Variants in S100A7A observed in about 807,000 individuals in gnomAD.
S100A7A encodes protein S100-A7A.
Under a neutral mutation model 4.0 loss-of-function variants are expected in S100A7A, and 5 were observed. The observed-to-expected ratio is 1.26, with a 90% CI of 0.66 to 2.66. The LOEUF (loss-of-function observed/expected upper bound fraction) is 2.66, where lower values mean the gene tolerates loss of function less well. S100A7A is among the 30% of genes most tolerant of loss of function. S100A7A has a pLI of 0.01. For synonymous variants in S100A7A, 52 were observed against 46.4 expected (o/e 1.12, Z -0.49); for missense variants, 159 against 125.1 (o/e 1.27, Z -1.29).
In S100A7A at chr1:153,419,978, A is replaced by G. The variant is rs1408859390; in HGVS notation, c.*669A>G. On this transcript the variant is annotated 3_prime_UTR_variant, in exon 3 of 3. Transcript: ENST00000368729. ...GTGGAAGTGAGAAGGAGTCACTGTG[A>G]TGCTTAGCTGTCCTAAATGATGGTT... is the stretch of plus-strand genomic sequence containing the variant. 6.6e-6 allele frequency: 1 copy of G among 152,654 alleles called. No homozygotes were observed. Among genetic ancestry groups the G allele is most frequent in the South Asian group, 2.1e-4 (1 of 4,830 alleles). 9.5% of individuals were successfully genotyped at this position (152,654 alleles called of 1,614,324 possible).
At position 153,419,308 on chromosome 1, in the gene S100A7A, G is replaced by T. The variant is rs368556174; in HGVS notation, c.305G>T (p.Ter102LeuextTer130). Residue 102 changes from the stop codon to leucine (L), a stop_lost, in exon 3 of 3, where the codon TGA (stop) becomes TTA (leucine). Transcript: ENST00000368729. ...GAAPCSGGSQ[*>L] Reference sequence around the variant, plus strand: ...GCGCCCTGTTCTGGGGGAAGCCAGTGATCCAGCCCCACCAAGGGGCCTCCA... The same window carrying T: ...GCGCCCTGTTCTGGGGGAAGCCAGTTATCCAGCCCCACCAAGGGGCCTCCA... The T allele has an allele frequency of 5.0e-6, 8 of 1,613,480 alleles. No individual in the cohort carries two copies. The African/African-American group carries it at 8.0e-5, about 16-fold the overall frequency.
At chr1:153,418,363 A>G (rs1295318920) in intron 2 of S100A7A, 140 bp downstream of exon 2, 1 of 1,144,322 alleles carries the variant, frequency 8.7e-7, no homozygotes, top group East Asian at 2.4e-5. Context: ...TATTGCTTGG[A>G]TCATATGTGA....
In S100A7A at chr1:153,420,121, A is replaced by C. The variant is rs1662858688; in HGVS notation, c.*812A>C. On this transcript the variant is annotated 3_prime_UTR_variant, in exon 3 of 3. Coordinates refer to ENST00000368729, the MANE Select transcript of S100A7A (RefSeq NM_176823.4). ...GCTGGAATAAGGCAGCATCACGGAAATTCTGTAAGGACTGACACAGAGAGC... is the reference window on the plus strand; with the variant it reads ...GCTGGAATAAGGCAGCATCACGGAACTTCTGTAAGGACTGACACAGAGAGC... 1 of 152,234 alleles carries C rather than the reference A, an allele frequency of 6.6e-6. No individual in the cohort carries two copies. Among genetic ancestry groups the C allele is most frequent in the South Asian group, 2.1e-4 (1 of 4,834 alleles). The allele number at this position is 152,234 out of a possible 1,614,324, so 9.4% of individuals were successfully genotyped here.
At chr1:153,418,597 TTCCATTGC>T (rs1314014640) in intron 2 of S100A7A, among the ~76,000 whole-genome samples, 3 of 152,064 alleles carry the variant, frequency 2.0e-5, no homozygotes, top group African/African-American at 4.8e-5. Flanking sequence ...GCACTAGAAG[TTCCATTGC>T]TAGTAGAAAT....
chr1:153,417,129 G>C (rs1349977736), intron 1 of S100A7A: 1 of 152,326 alleles, frequency 6.6e-6, no homozygotes, highest in African/African-American at 2.4e-5. Flanking sequence ...AGGTGTTGGG[G>C]GTTTATTGTC....
intron 1 of S100A7A, among the ~76,000 whole-genome samples, chr1:153,417,451 C>G (rs1283832305): frequency 3.3e-5 from 5 of 152,166 alleles, no homozygotes; most frequent in Non-Finnish European, 7.4e-5. Flanking sequence ...TTCTCATTCC[C>G]AAGGGAATGT....
chr1:153,417,972 GT>G (rs1439118840), intron 1 of S100A7A, 93 bp from the exon 2 acceptor site: 1 of 1,493,892 alleles, frequency 6.7e-7, no homozygotes, highest in Non-Finnish European at 9.1e-7. Context: ...TCTTAGGGCT[GT>G]TTTTACTCTG....
Position 153,418,184 on chromosome 1 carries a change from G to A in S100A7A, c.102G>A (p.Thr34=), listed in dbSNP as rs370692845. ...DGKIEKPSLL[T]MMKENFPNFL... Reference sequence around the variant, plus strand: ...AGATTGAGAAGCCAAGCCTGCTGACGATGATGAAGGAGAACTTCCCCAATT... The same window carrying A: ...AGATTGAGAAGCCAAGCCTGCTGACAATGATGAAGGAGAACTTCCCCAATT... The change falls in exon 2 of 3, where the codon ACG becomes ACA. Residue 34 remains threonine, a synonymous_variant. Transcript: ENST00000368729. The A allele has an allele frequency of 1.6e-4, 251 of 1,614,006 alleles. No individual in the cohort carries two copies. The highest frequency in any genetic ancestry group is 1.8e-4 in the Non-Finnish European group (214 of 1,179,908).
chr1:153,417,618 G>A (rs1414970660), intron 1 of S100A7A, among the ~76,000 whole-genome samples: 1 of 152,184 alleles, frequency 6.6e-6, no homozygotes, highest in Non-Finnish European at 1.5e-5. Context: ...AAGCAGCCGA[G>A]GAGGGTCAGA....
Position 153,422,277 on chromosome 1 carries a change from T to C in S100A7A, c.*2968T>C, listed in dbSNP as rs1263154658. 6.5e-6 allele frequency: 1 copy of C among 153,232 alleles called. No homozygotes were observed. The highest frequency in any genetic ancestry group is 1.9e-4 in the East Asian group (1 of 5,196). 9.5% of individuals were successfully genotyped at this position (153,232 alleles called of 1,614,324 possible). ...AGAAAATTGATTTGATTTCATCCAATATTCCTTCGAAAGAGTGTCAAGGAA... is the reference window on the plus strand; with the variant it reads ...AGAAAATTGATTTGATTTCATCCAACATTCCTTCGAAAGAGTGTCAAGGAA... On this transcript the variant is annotated 3_prime_UTR_variant, in exon 3 of 3. Transcript: ENST00000368729.
In S100A7A at chr1:153,418,066, G is replaced by C. The variant is rs3006412; in HGVS notation, c.-17G>C. 0.095 allele frequency: 152,530 copies of C among 1,613,074 alleles called. 11,771 individuals carry two copies. Among genetic ancestry groups the C allele is most frequent in the African/African-American group, 0.41 (30,700 of 74,894 alleles). Reference sequence around the variant, plus strand: ...AAATGATTGTCTTTATTTCCTGAAGGCTTTTTGAAAGCAAAGATGAGCAAC... The same window carrying C: ...AAATGATTGTCTTTATTTCCTGAAGCCTTTTTGAAAGCAAAGATGAGCAAC... On this transcript the variant is annotated splice_region_variant and 5_prime_UTR_variant, in exon 2 of 3. Transcript: ENST00000368729.
At chr1:153,418,525 TCA>T (rs772947108) in intron 2 of S100A7A, among the ~76,000 whole-genome samples, 4 of 152,112 alleles carry the variant, frequency 2.6e-5, no homozygotes, top group Non-Finnish European at 4.4e-5. Context: ...AGACTGAAAC[TCA>T]CATGCTCAGG....
intron 2 of S100A7A, 52 bp from the exon 3 acceptor site, chr1:153,419,093 A>G (rs1176769967): frequency 5.6e-6 from 9 of 1,594,724 alleles, no homozygotes; most frequent in African/African-American, 1.3e-5. Flanking sequence ...CTCCCAGCCC[A>G]AAACTTGTTT....
rs1352733252 is a variant in S100A7A at position 153,422,657 on chromosome 1, T to G, written c.*3348T>G. The G allele has an allele frequency of 3.9e-6, 1 of 253,358 alleles. No individual in the cohort carries two copies. The highest frequency in any genetic ancestry group is 6.2e-6 in the Non-Finnish European group (1 of 161,056). 15.7% of individuals were successfully genotyped at this position (253,358 alleles called of 1,614,324 possible). A position where few individuals can be genotyped will look rare whatever the true frequency, so the allele number is the denominator to read the frequency against. ...CTGGAGTGCTGTGAGCTGTCCGTGG[T>G]GCTGAATTCACTGTGACGTCACTCC... On this transcript the variant is annotated 3_prime_UTR_variant, in exon 3 of 3. Coordinates refer to ENST00000368729, the MANE Select transcript of S100A7A (RefSeq NM_176823.4).
rs1662921126 is a variant in S100A7A, at chr1:153,422,408, T to C, written c.*3099T>C. The C allele has an allele frequency of 1.5e-6, 1 of 647,650 alleles. No individual in the cohort carries two copies. The highest frequency in any genetic ancestry group is 2.0e-5 in the African/African-American group (1 of 50,508). The allele number at this position is 647,650 out of a possible 1,614,324, so 40.1% of individuals were successfully genotyped here. ...ATTGATCAGAATTCAACCTTTGTTCTAACACATACTAGAGCAAGAATTTAC... is the reference window on the plus strand; with the variant it reads ...ATTGATCAGAATTCAACCTTTGTTCCAACACATACTAGAGCAAGAATTTAC... On this transcript the variant is annotated 3_prime_UTR_variant, in exon 3 of 3. Transcript: ENST00000368729.
In S100A7A at chr1:153,419,145, G is replaced by A. The variant is rs1214821036; in HGVS notation, c.142G>A (p.Asp48Asn). 3 of 1,613,280 alleles carry A rather than the reference G, an allele frequency of 1.9e-6. No homozygotes were observed. Among genetic ancestry groups the A allele is most frequent in the Non-Finnish European group, 8.5e-7 (1 of 1,179,768 alleles). ...ENFPNFLSAC[D>N]KKGIHYLATV... ...ATTTTGTATGTTTTTCTCTTCACAG[G>A]ACAAAAAGGGCATACATTACCTCGC... Residue 48 changes from aspartate to asparagine, a missense_variant and splice_region_variant, in exon 3 of 3, where the codon GAC becomes AAC. Physicochemically the swap from Asp to Asn is conservative, Grantham distance 23. Transcript: ENST00000368729.
chr1:153,422,460 G>A lies in S100A7A; in HGVS notation c.*3151G>A. 5.3e-6 allele frequency: 5 copies of A among 937,980 alleles called. No individual in the cohort carries two copies. The highest frequency in any genetic ancestry group is 6.4e-6 in the Non-Finnish European group (5 of 786,746). The allele number at this position is 937,980 out of a possible 1,614,324, so 58.1% of individuals were successfully genotyped here. On this transcript the variant is annotated 3_prime_UTR_variant, in exon 3 of 3. Transcript: ENST00000368729. ...TGATTTGGAATAATTAATAGCTACT[G>A]GACATTATATTGGTACTAAAGAGAA...
At chr1:153,417,968 G>A (rs1662771773) in intron 1 of S100A7A, 98 bp from the exon 2 acceptor site, 41 of 1,441,620 alleles carry the variant, frequency 2.8e-5, no homozygotes, top group Non-Finnish European at 3.6e-5. Context: ...TCCATCTTAG[G>A]GCTGTTTTTA....
In S100A7A at chr1:153,418,107, T is replaced by C. The variant is rs778269032; in HGVS notation, c.25T>C (p.Ser9Pro). The change falls in exon 2 of 3, where the codon TCC (serine) becomes CCC (proline). Residue 9 changes from serine to proline, a missense_variant. Coordinates refer to ENST00000368729, the MANE Select transcript of S100A7A (RefSeq NM_176823.4). MSNTQAER[S>P]IIGMIDMFHK... Reference sequence around the variant, plus strand: ...GATGAGCAACACTCAAGCTGAGAGGTCCATAATAGGCATGATCGACATGTT... The same window carrying C: ...GATGAGCAACACTCAAGCTGAGAGGCCCATAATAGGCATGATCGACATGTT... The C allele has an allele frequency of 2.5e-6, 4 of 1,613,970 alleles. No homozygotes were observed. The highest frequency in any genetic ancestry group is 2.7e-5 in the African/African-American group (2 of 74,906).
Sources: allele counts gnomAD v4.1 joint callset (sites outside exome capture counted in the v4.1 genomes callset), GRCh38; gene constraint gnomAD v4.1.1; transcripts MANE v1.5; gene names NCBI Gene and HGNC (gene_info 2026-07-23, HGNC 2026-07-21).